Variants in FAAH2 observed in about 807,000 individuals in gnomAD.
FAAH2 encodes the protein fatty-acid amide hydrolase 2.
FAAH2 carries 60 observed loss-of-function variants against 36.9 expected under a neutral mutation model. The observed-to-expected ratio is 1.63, with a 90% CI of 1.32 to 2.02. The LOEUF (loss-of-function observed/expected upper bound fraction) is 2.02. FAAH2 is among the 30% of genes most tolerant of loss of function. FAAH2 has a pLI of 0.00. For missense variants in FAAH2, 689 were observed against 397.5 expected, an observed-to-expected ratio of 1.73 and a Z score of -6.23; for synonymous variants, 214 against 143.8, an observed-to-expected ratio of 1.49 and a Z score of -3.49.
the FAAH2 span, among the ~76,000 whole-genome samples, chrX:57,226,786 T>C: frequency 4.5e-5 from 5 of 112,027 alleles, no homozygotes; most frequent in South Asian, 3.7e-4. Flanking sequence ...GGAATACCGA[T>C]TATTCTTAGG....
At chrX:57,289,220 A>G (rs2051905750) in intron 1 of FAAH2, among the ~76,000 whole-genome samples, 1 of 111,698 alleles carries the variant, frequency 9.0e-6, no homozygotes, top group Admixed American at 9.5e-5. Context: ...ATCTTACTCA[A>G]TTTTTGTTGG....
chrX:57,288,871 C>A (rs761101940), intron 1 of FAAH2, among the ~76,000 whole-genome samples: 1 of 110,843 alleles, frequency 9.0e-6, no homozygotes, highest in African/African-American at 3.3e-5. Flanking sequence ...TTCATGCTTG[C>A]CCATGAGATG....
intron 5 of FAAH2, among the ~76,000 whole-genome samples, chrX:57,349,489 A>G (rs2053939608): frequency 9.8e-6 from 1 of 102,196 alleles, no homozygotes; most frequent in Non-Finnish European, 2.0e-5. Context: ...ACATATATAT[A>G]CACATATATA....
chrX:57,296,125 T>C (rs2052147308), intron 2 of FAAH2, among the ~76,000 whole-genome samples: 1 of 112,105 alleles, frequency 8.9e-6, no homozygotes, highest in Non-Finnish European at 1.9e-5. Context: ...AGCACGCAGC[T>C]TGAGATCTGA....
chrX:57,338,089 A>T (rs998274283), intron 4 of FAAH2, among the ~76,000 whole-genome samples: 4 of 112,150 alleles, frequency 3.6e-5, no homozygotes, highest in Non-Finnish European at 5.6e-5. Flanking sequence ...TGAAGAGACC[A>T]CCAAACAGGC....
At chrX:57,184,259 T>A in the FAAH2 span, among the ~76,000 whole-genome samples, 2 of 111,654 alleles carry the variant, frequency 1.8e-5, no homozygotes, top group Non-Finnish European at 3.8e-5. Flanking sequence ...GTTAGACCCT[T>A]ATTAGTAGTT....
At chrX:57,376,183 T>C (rs1165214487) in intron 5 of FAAH2, among the ~76,000 whole-genome samples, 2 of 111,436 alleles carry the variant, frequency 1.8e-5, no homozygotes, top group Non-Finnish European at 3.8e-5. Flanking sequence ...ATGATACTGA[T>C]CATTTTTGTT....
In FAAH2 at chrX:57,464,023, A is replaced by G. The variant is rs1337800684; in HGVS notation, c.1423+15305A>G. On this transcript the variant is annotated intron_variant, in intron 10 of 10. Transcript: ENST00000374900. Reference sequence around the variant, plus strand: ...CAACCCAAATGCCCATCAATGATAGATTGGATAAAGAAAATGTTGCACATA... The same window carrying G: ...CAACCCAAATGCCCATCAATGATAGGTTGGATAAAGAAAATGTTGCACATA... Among the ~76,000 whole-genome samples the G allele has an allele frequency of 4.5e-5, 5 of 112,166 alleles. No individual in the cohort carries two copies. In the Admixed American group the frequency reaches 4.7e-4, roughly 11 times the overall value.
At position 57,419,677 on chromosome X, in the gene FAAH2, A is replaced by G. The variant is rs1483768036; in HGVS notation, c.997-12241A>G. On this transcript the variant is annotated intron_variant, in intron 7 of 10. Coordinates refer to ENST00000374900, the MANE Select transcript of FAAH2 (RefSeq NM_174912.4). ...CTCCCAATTTGTAGGTTGCCTGTTC[A>G]CTCTGATGGTAGTTTCTTTTGCTGT... 1.8e-5 allele frequency among the ~76,000 whole-genome samples: 2 copies of G among 111,078 alleles called. 1 individual carries two copies. The highest frequency in any genetic ancestry group is 3.8e-5 in the Non-Finnish European group (2 of 52,989).
the FAAH2 span, among the ~76,000 whole-genome samples, chrX:57,206,932 C>G: frequency 9.0e-6 from 1 of 111,498 alleles, no homozygotes; most frequent in Admixed American, 9.5e-5. Flanking sequence ...GTAACTAAGT[C>G]CTCTAAAGCC....
At chrX:57,326,326 G>A (rs1169983276) in intron 3 of FAAH2, among the ~76,000 whole-genome samples, 2 of 113,687 alleles carry the variant, frequency 1.8e-5, no homozygotes, top group African/African-American at 3.3e-5. Flanking sequence ...TTGATTTGGG[G>A]TGGAGAGTTC....
chrX:57,278,599 G>C, the FAAH2 span, among the ~76,000 whole-genome samples: 1 of 106,293 alleles, frequency 9.4e-6, no homozygotes, highest in Non-Finnish European at 1.9e-5. Flanking sequence ...TAAAACTAAA[G>C]AGTTTCTGCA....
intron 2 of FAAH2, among the ~76,000 whole-genome samples, chrX:57,295,481 C>A (rs1370561285): frequency 8.9e-6 from 1 of 111,840 alleles, no homozygotes; most frequent in Non-Finnish European, 1.9e-5. Context: ...GGGGGTGGAG[C>A]CAAGATGGCC....
At chrX:57,403,580 C>T (rs745332243) in intron 7 of FAAH2, among the ~76,000 whole-genome samples, 1 of 112,699 alleles carries the variant, frequency 8.9e-6, no homozygotes, top group Non-Finnish European at 1.9e-5. Context: ...GTGTGGGTAA[C>T]CTTTTGAGTC....
chrX:57,180,045 G>T, the FAAH2 span, among the ~76,000 whole-genome samples: 485 of 111,905 alleles, frequency 4.3e-3, 1 homozygote, highest in African/African-American at 0.014. Flanking sequence ...TAGGCAGGTC[G>T]CAAGAAGTTC....
chrX:57,285,047 C>T (rs1041237972), upstream of FAAH2, among the ~76,000 whole-genome samples: 1 of 112,327 alleles, frequency 8.9e-6, no homozygotes, highest in African/African-American at 3.2e-5. Flanking sequence ...AAACCTTTCT[C>T]TGGTAAGGAA....
intron 8 of FAAH2, among the ~76,000 whole-genome samples, chrX:57,438,805 T>A (rs1350998339): frequency 1.1e-5 from 1 of 93,993 alleles, no homozygotes; most frequent in Non-Finnish European, 2.1e-5. Flanking sequence ...CCTGTGTCCA[T>A]GTGTTCTCAT....
At chrX:57,194,075 T>A in the FAAH2 span, among the ~76,000 whole-genome samples, 10 of 111,872 alleles carry the variant, frequency 8.9e-5, no homozygotes, top group African/African-American at 3.2e-4. Context: ...TTCTTCCATA[T>A]TTCAGAATCA....
chrX:57,403,031 T>C (rs1428311699), intron 7 of FAAH2, among the ~76,000 whole-genome samples: 1 of 112,124 alleles, frequency 8.9e-6, no homozygotes, highest in East Asian at 2.8e-4. Flanking sequence ...TCCTAACCCT[T>C]GTAAAACATC....
Sources: allele counts gnomAD v4.1 joint callset (sites outside exome capture counted in the v4.1 genomes callset), GRCh38; gene constraint gnomAD v4.1.1; transcripts MANE v1.5; gene names NCBI Gene and HGNC (gene_info 2026-07-23, HGNC 2026-07-21).